FER: variants seen among roughly 807,000 people sequenced by gnomAD.
The protein encoded by FER is tyrosine-protein kinase Fer.
Under a neutral mutation model 111.0 loss-of-function variants are expected in FER, and 63 were observed. The observed-to-expected ratio is 0.57, with a 90% CI of 0.46 to 0.70. The LOEUF (loss-of-function observed/expected upper bound fraction) is 0.70, where lower values mean the gene tolerates loss of function less well. Among genes scored for constraint, FER ranks in the 30% least tolerant of loss-of-function variants. The pLI is 0.00. For synonymous variants in FER, 327 were observed against 313.9 expected, an observed-to-expected ratio of 1.04 and a Z score of -0.44; for missense variants, 914 against 954.0, an observed-to-expected ratio of 0.96 and a Z score of 0.55.
At chr5:109,085,372 A>G (rs754928300) in intron 16 of FER, among the ~76,000 whole-genome samples, 87 of 151,284 alleles carry the variant, frequency 5.8e-4, no homozygotes, top group Non-Finnish European at 1.2e-3. Context: ...TTTTTCTGGC[A>G]TATAGAGATA....
chr5:109,046,712 T>G (rs1442154002), intron 15 of FER, among the ~76,000 whole-genome samples: 1 of 152,122 alleles, frequency 6.6e-6, no homozygotes, highest in Non-Finnish European at 1.5e-5. Context: ...GTACAGAATT[T>G]TTTTTCTTAT....
At chr5:108,871,314 T>C in intron 6 of FER, 51 bp from the exon 7 acceptor site, 1 of 1,459,558 alleles carries the variant, frequency 6.9e-7, no homozygotes. Flanking sequence ...TGAGATAGTA[T>C]CTCTCTTGAT....
chr5:109,006,777 A>G (rs1368941151), intron 13 of FER, among the ~76,000 whole-genome samples: 1 of 152,158 alleles, frequency 6.6e-6, no homozygotes, highest in African/African-American at 2.4e-5. Flanking sequence ...ATTTTACCAC[A>G]AATGTCCTCT....
intron 10 of FER, among the ~76,000 whole-genome samples, chr5:108,905,282 A>G (rs1314844734): frequency 2.0e-5 from 3 of 152,118 alleles, no homozygotes; most frequent in African/African-American, 7.2e-5. Context: ...AAGTTGATAT[A>G]TAGGCCAAAA....
chr5:108,920,662 G>A (rs1165074849), intron 10 of FER, among the ~76,000 whole-genome samples: 3 of 151,996 alleles, frequency 2.0e-5, no homozygotes, highest in African/African-American at 7.2e-5. Flanking sequence ...CATTTCCATT[G>A]TGATCATCCT....
chr5:109,135,180 G>A (rs900027462), intron 17 of FER, among the ~76,000 whole-genome samples: 3 of 152,182 alleles, frequency 2.0e-5, no homozygotes, highest in Admixed American at 1.3e-4. Flanking sequence ...AGATAAAGCT[G>A]GAGGGATGAT....
intron 2 of FER, among the ~76,000 whole-genome samples, chr5:108,778,661 C>T (rs967589875): frequency 3.9e-5 from 6 of 152,120 alleles, no homozygotes; most frequent in Non-Finnish European, 5.9e-5. Context: ...GTCTGTGGCC[C>T]ATTTTTAAAT....
At chr5:108,762,952 T>C (rs1245160473) in intron 1 of FER, among the ~76,000 whole-genome samples, 1 of 152,168 alleles carries the variant, frequency 6.6e-6, no homozygotes, top group Non-Finnish European at 1.5e-5. Flanking sequence ...ACTTCATACT[T>C]ACCTTTTTCT....
At chr5:109,184,394 T>G (rs530792646) in intron 18 of FER, among the ~76,000 whole-genome samples, 1 of 152,156 alleles carries the variant, frequency 6.6e-6, no homozygotes, top group Non-Finnish European at 1.5e-5. Flanking sequence ...CATAGAAAAG[T>G]AGCCAAATGC....
chr5:108,976,891 T>G (rs945744159), intron 13 of FER, among the ~76,000 whole-genome samples: 2 of 152,338 alleles, frequency 1.3e-5, no homozygotes, highest in African/African-American at 4.8e-5. Context: ...ATATTATGAC[T>G]TTTCTCTGCT....
chr5:108,978,944 G>A (rs1053499225), intron 13 of FER, among the ~76,000 whole-genome samples: 88 of 152,256 alleles, frequency 5.8e-4, no homozygotes, highest in African/African-American at 2.1e-3. Context: ...ACTTGGAAGT[G>A]TTATGCAACT....
chr5:108,867,663 G>C, intron 5 of FER, 104 bp from the exon 6 acceptor site: 3 of 1,138,242 alleles, frequency 2.6e-6, no homozygotes, highest in Non-Finnish European at 2.5e-6. Context: ...TTTAAAAAAT[G>C]CGTGAAATAA....
intron 17 of FER, among the ~76,000 whole-genome samples, chr5:109,132,833 G>A: frequency 6.6e-6 from 1 of 152,124 alleles, no homozygotes; most frequent in East Asian, 1.9e-4. Flanking sequence ...CAACTGATGG[G>A]AATTGAGGAT....
At chr5:108,865,816 C>G (rs1327401272) in intron 5 of FER, among the ~76,000 whole-genome samples, 3 of 152,092 alleles carry the variant, frequency 2.0e-5, no homozygotes, top group Non-Finnish European at 4.4e-5. Context: ...ATTTATGCAG[C>G]CAAAAGACAC....
At chr5:108,754,562 T>A (rs1750876452) in intron 1 of FER, among the ~76,000 whole-genome samples, 1 of 152,136 alleles carries the variant, frequency 6.6e-6, no homozygotes, top group Non-Finnish European at 1.5e-5. Context: ...TAATGCTACA[T>A]AAGAAAATAT....
intron 13 of FER, among the ~76,000 whole-genome samples, chr5:109,019,988 A>T (rs890393705): frequency 6.6e-6 from 1 of 151,932 alleles, no homozygotes; most frequent in African/African-American, 2.4e-5. Context: ...ATTTACTTCA[A>T]GGTAACTTTT....
At chr5:109,074,443 A>C (rs192512723) in intron 16 of FER, among the ~76,000 whole-genome samples, 1 of 152,328 alleles carries the variant, frequency 6.6e-6, no homozygotes, top group African/African-American at 2.4e-5. Context: ...CTTTAGAAGT[A>C]AGTCAAAGAT....
intron 13 of FER, among the ~76,000 whole-genome samples, chr5:109,031,646 C>T (rs745790896): frequency 5.3e-5 from 8 of 152,196 alleles, no homozygotes; most frequent in Non-Finnish European, 1.2e-4. Context: ...TTTAAGAAGT[C>T]TTTGCCTTCA....
chr5:108,963,669 T>C (rs1166884252), intron 13 of FER, among the ~76,000 whole-genome samples: 1 of 152,242 alleles, frequency 6.6e-6, no homozygotes, highest in Non-Finnish European at 1.5e-5. Flanking sequence ...TTGTAGCTTT[T>C]TACCAGAATG....
Sources: gnomAD v4.1 joint callset for allele counts (sites outside exome capture counted in the v4.1 genomes callset) on GRCh38, gnomAD v4.1.1 for gene constraint, MANE v1.5 for transcripts, NCBI Gene and HGNC (gene_info 2026-07-23, HGNC 2026-07-21) for gene names.